Variants in SORL1 observed in about 807,000 individuals in gnomAD.
The protein encoded by SORL1 is sortilin related receptor 1, also known as sortilin-related receptor.
In SORL1, 127 loss-of-function variants were observed where a neutral mutation model predicts 273.7. The ratio of observed to expected loss-of-function variants is 0.46; its 90% confidence interval spans 0.40 to 0.54. The LOEUF is 0.54. Among genes scored for constraint, SORL1 ranks in the 20% least tolerant of loss-of-function variants. SORL1 has a pLI of 0.00. For missense variants in SORL1, 2,494 were observed against 2,846.1 expected, an observed-to-expected ratio of 0.88 and a Z score of 2.81; for synonymous variants, 1,031 against 1,067.4, an observed-to-expected ratio of 0.97 and a Z score of 0.66.
At position 121,586,345 on chromosome 11, in the gene SORL1, G is replaced by A; in HGVS notation, c.3814+16G>A. The A allele has an allele frequency of 1.9e-6, 3 of 1,595,168 alleles. No homozygotes were observed. Among genetic ancestry groups the A allele is most frequent in the Non-Finnish European group, 1.7e-6 (2 of 1,162,652 alleles). On this transcript the variant is annotated intron_variant, in intron 27 of 47. Coordinates refer to ENST00000260197, the MANE Select transcript of SORL1 (RefSeq NM_003105.6). ...CAGCACTGCGGTGAGTTCATTCCTT[G>A]CCCCCAGGAAGCACTCAGGCCTAGT... is the stretch of plus-strand genomic sequence containing the variant.
chr11:121,505,991 ATC>A (rs1218379537), intron 6 of SORL1, among the ~76,000 whole-genome samples: 1 of 152,184 alleles, frequency 6.6e-6, no homozygotes, highest in Middle Eastern at 3.2e-3. Context: ...TGTTCAGTTT[ATC>A]TTTTTCCTTT....
At chr11:121,459,651 A>C (rs1349468756) in intron 1 of SORL1, among the ~76,000 whole-genome samples, 1 of 152,232 alleles carries the variant, frequency 6.6e-6, no homozygotes, top group Non-Finnish European at 1.5e-5. Context: ...CAAACACTGC[A>C]CTTGTATCGG....
chr11:121,471,790 G>C (rs974649056), intron 2 of SORL1, among the ~76,000 whole-genome samples: 3 of 152,196 alleles, frequency 2.0e-5, no homozygotes, highest in African/African-American at 7.2e-5. Context: ...AGAAGGGCTG[G>C]CTGTCAGGAT....
At chr11:121,578,176 A>C (rs1228404186) in intron 25 of SORL1, among the ~76,000 whole-genome samples, 3 of 152,208 alleles carry the variant, frequency 2.0e-5, no homozygotes, top group African/African-American at 7.2e-5. Context: ...GCTGTTATTC[A>C]GTTCTGTCTT....
At chr11:121,577,136 C>G (rs759564377) in intron 24 of SORL1, 145 bp from the exon 25 acceptor site, 3 of 1,198,810 alleles carry the variant, frequency 2.5e-6, no homozygotes, top group Non-Finnish European at 3.5e-6. Flanking sequence ...CCTTTTGTCC[C>G]TGGTAAAAGT....
intron 1 of SORL1, among the ~76,000 whole-genome samples, chr11:121,459,353 G>T (rs984699809): frequency 6.6e-6 from 1 of 152,230 alleles, no homozygotes; most frequent in Non-Finnish European, 1.5e-5. Flanking sequence ...AGACCTGCTC[G>T]TGTAGGCAGG....
chr11:121,489,980 A>T, intron 4 of SORL1, 63 bp from the exon 5 acceptor site: 1 of 1,208,036 alleles, frequency 8.3e-7, no homozygotes, highest in East Asian at 2.3e-5. Context: ...CGGGTGTTTG[A>T]TGGTGATGCC....
intron 18 of SORL1, among the ~76,000 whole-genome samples, chr11:121,555,708 G>A (rs1257922372): frequency 6.6e-6 from 1 of 152,064 alleles, no homozygotes; most frequent in Non-Finnish European, 1.5e-5. Flanking sequence ...TAATCGTCTA[G>A]TATTATTTTA....
chr11:121,530,006 C>T (rs1018859633), intron 11 of SORL1, among the ~76,000 whole-genome samples: 3 of 152,118 alleles, frequency 2.0e-5, no homozygotes, highest in African/African-American at 7.2e-5. Flanking sequence ...TTACAACATA[C>T]ATATCTAATC....
chr11:121,567,549 A>G, intron 22 of SORL1, among the ~76,000 whole-genome samples: 1 of 152,058 alleles, frequency 6.6e-6, no homozygotes, highest in East Asian at 1.9e-4. Context: ...CTCTCACCTA[A>G]CGGTTGTCCA....
chr11:121,545,540 G>A, intron 14 of SORL1, 111 bp downstream of exon 14: 1 of 956,170 alleles, frequency 1.0e-6, no homozygotes, highest in Non-Finnish European at 1.6e-6. Flanking sequence ...GGGAATAGAA[G>A]GAAACAAGTA....
chr11:121,454,186 G>C (rs780933300), intron 1 of SORL1, among the ~76,000 whole-genome samples: 1 of 152,240 alleles, frequency 6.6e-6, no homozygotes, highest in Admixed American at 6.5e-5. Context: ...ATGGAGGGTG[G>C]GAGAAGGAGG....
chr11:121,597,067 A>G (rs965177677), intron 32 of SORL1, among the ~76,000 whole-genome samples: 1 of 152,214 alleles, frequency 6.6e-6, no homozygotes, highest in Admixed American at 6.5e-5. Context: ...ATCAAGAGCA[A>G]TGGTGGAGGA....
rs533965680 is a variant in SORL1, at chr11:121,486,673, T to G, written c.529-1359T>G. On this transcript the variant is annotated intron_variant, in intron 3 of 47. Coordinates refer to ENST00000260197, the MANE Select transcript of SORL1 (RefSeq NM_003105.6). ...TTTTCGTATTTTTAGTAGAGATGGG[T>G]TTTCACCCTGTTAGCCAGGATGGTC... Among the ~76,000 whole-genome samples the G allele has an allele frequency of 4.6e-3, 703 of 151,558 alleles. 6 individuals are homozygous for G. Among genetic ancestry groups the G allele is most frequent in the African/African-American group, 0.016 (672 of 41,284 alleles).
At chr11:121,616,416 T>A (rs552687515) in intron 41 of SORL1, among the ~76,000 whole-genome samples, 21 of 152,330 alleles carry the variant, frequency 1.4e-4, no homozygotes, top group African/African-American at 4.6e-4. Context: ...CTGTGAGAAG[T>A]GCCATTGTCA....
intron 6 of SORL1, among the ~76,000 whole-genome samples, chr11:121,503,602 C>T (rs1283307822): frequency 1.3e-5 from 2 of 152,018 alleles, no homozygotes; most frequent in East Asian, 1.9e-4. Context: ...GTCCTCCTGC[C>T]CCAGCCTCCT....
At chr11:121,576,345 C>G (rs1862930597) in intron 24 of SORL1, among the ~76,000 whole-genome samples, 2 of 152,218 alleles carry the variant, frequency 1.3e-5, no homozygotes, top group African/African-American at 4.8e-5. Context: ...CAGGGAAATG[C>G]TTCTATCTGT....
At chr11:121,531,749 C>A (rs1402743125) in intron 11 of SORL1, among the ~76,000 whole-genome samples, 5 of 152,176 alleles carry the variant, frequency 3.3e-5, no homozygotes, top group Admixed American at 2.0e-4. Context: ...CTGCGACTTG[C>A]GTAAGTTCAT....
chr11:121,518,408 A>T (rs1861985607), intron 8 of SORL1, among the ~76,000 whole-genome samples: 1 of 152,224 alleles, frequency 6.6e-6, no homozygotes. Context: ...GTGAAGGAGC[A>T]TGTGAGGTAC....
Sources: allele counts gnomAD v4.1 joint callset (sites outside exome capture counted in the v4.1 genomes callset), GRCh38; gene constraint gnomAD v4.1.1; transcripts MANE v1.5; gene names NCBI Gene and HGNC (gene_info 2026-07-23, HGNC 2026-07-21).